The following PLA2G4A variants were observed in gnomAD, a reference collection of about 807,000 sequenced individuals.
PLA2G4A encodes the protein cytosolic phospholipase A2.
Under a neutral mutation model 81.9 loss-of-function variants are expected in PLA2G4A, and 40 were observed. That is an observed-to-expected ratio of 0.49 (90% CI 0.38 to 0.64). PLA2G4A has a LOEUF of 0.64. Among genes scored for constraint, PLA2G4A ranks in the 30% least tolerant of loss-of-function variants. PLA2G4A has a pLI of 0.00. For synonymous variants in PLA2G4A, 302 were observed against 296.9 expected, an observed-to-expected ratio of 1.02 and a Z score of -0.18; for missense variants, 715 against 905.1, an observed-to-expected ratio of 0.79 and a Z score of 2.69.
intron 8 of PLA2G4A, 107 bp from the exon 9 acceptor site, chr1:186,938,901 A>T (rs943741971): frequency 2.7e-6 from 2 of 730,204 alleles, no homozygotes; most frequent in African/African-American, 3.5e-5. Flanking sequence ...TAATGAAGTT[A>T]ACCAAATATG....
intron 1 of PLA2G4A, among the ~76,000 whole-genome samples, chr1:186,839,965 CTTTTTTTTTT>C (rs61704569): frequency 0.023 from 1,735 of 75,044 alleles, 23 homozygotes; most frequent in Middle Eastern, 0.033. Context: ...TAATTGACTT[CTTTTTTTTTT>C]TTTTTTTTTT....
At chr1:186,962,032 A>G (rs1287395342) in intron 14 of PLA2G4A, among the ~76,000 whole-genome samples, 1 of 152,136 alleles carries the variant, frequency 6.6e-6, no homozygotes, top group Non-Finnish European at 1.5e-5. Flanking sequence ...CAGGCTGCAT[A>G]TGCTACCTGC....
At chr1:186,979,164 C>G in intron 16 of PLA2G4A, 151 bp from the exon 17 acceptor site, 1 of 680,754 alleles carries the variant, frequency 1.5e-6, no homozygotes, top group East Asian at 2.7e-5. Flanking sequence ...CCAGAACACA[C>G]AGACACGATA....
At chr1:186,885,928 G>A (rs1203802774) in intron 3 of PLA2G4A, among the ~76,000 whole-genome samples, 2 of 152,228 alleles carry the variant, frequency 1.3e-5, no homozygotes, top group Non-Finnish European at 2.9e-5. Context: ...ATGACAAAAA[G>A]CATTGGGAAG....
In PLA2G4A at chr1:186,894,001, G is replaced by A. The variant is rs995791847; in HGVS notation, c.265-97G>A. 9.8e-6 allele frequency: 7 copies of A among 711,444 alleles called. No individual in the cohort carries two copies. The African/African-American group carries it at 1.1e-4, about 11-fold the overall frequency. The allele number at this position is 711,444 out of a possible 1,614,324, so 44.1% of individuals were successfully genotyped here. ...CTTCAAGGACTCTTAAATATCATTT[G>A]AGAGCTTCATTTTTTTAAATGTGGT... On this transcript the variant is annotated intron_variant, in intron 4 of 17. Transcript: ENST00000367466.
At chr1:186,914,844 C>T (rs1373783837) in intron 7 of PLA2G4A, among the ~76,000 whole-genome samples, 1 of 152,110 alleles carries the variant, frequency 6.6e-6, no homozygotes, top group Non-Finnish European at 1.5e-5. Flanking sequence ...ATATCCTCCC[C>T]ATTTGAGACT....
chr1:186,986,498 A>G (rs534663819), intron 17 of PLA2G4A, among the ~76,000 whole-genome samples: 1 of 152,334 alleles, frequency 6.6e-6, no homozygotes, highest in East Asian at 1.9e-4. Flanking sequence ...GTAGTAGGAT[A>G]CTTTGAATAG....
chr1:186,930,858 T>G (rs1437057752), intron 7 of PLA2G4A, among the ~76,000 whole-genome samples: 1 of 152,232 alleles, frequency 6.6e-6, no homozygotes, highest in African/African-American at 2.4e-5. Context: ...GCATACCCTT[T>G]CCTGCTTATG....
intron 14 of PLA2G4A, among the ~76,000 whole-genome samples, chr1:186,960,325 G>A (rs767777677): frequency 8.5e-5 from 13 of 152,152 alleles, no homozygotes; most frequent in Non-Finnish European, 1.3e-4. Flanking sequence ...CATTGAATCT[G>A]TGTGATGTAT....
chr1:186,918,445 C>T (rs184113670), intron 7 of PLA2G4A, among the ~76,000 whole-genome samples: 2 of 152,024 alleles, frequency 1.3e-5, no homozygotes, highest in African/African-American at 2.4e-5. Flanking sequence ...TACAGTCTTA[C>T]CTTCACTGAG....
At chr1:186,920,493 C>T (rs571995439) in intron 7 of PLA2G4A, among the ~76,000 whole-genome samples, 6 of 152,214 alleles carry the variant, frequency 3.9e-5, no homozygotes, top group African/African-American at 7.2e-5. Context: ...TAATCCTGAC[C>T]GTGGGCTCCT....
In PLA2G4A at chr1:186,981,341, T is replaced by C. The variant is rs79732014; in HGVS notation, c.2118+1869T>C. ...CTGTTCTAGTTTATATAAAGTCTGC[T>C]AAACAATTTGCAATAAGGAATGATA... On this transcript the variant is annotated intron_variant, in intron 17 of 17. Transcript: ENST00000367466. Among the ~76,000 whole-genome samples the C allele has an allele frequency of 3.4e-3, 521 of 152,284 alleles. 2 individuals are homozygous for C. Among genetic ancestry groups the C allele is most frequent in the African/African-American group, 0.012 (503 of 41,574 alleles).
intron 1 of PLA2G4A, among the ~76,000 whole-genome samples, chr1:186,832,018 C>T (rs1382635403): frequency 1.3e-5 from 2 of 151,956 alleles, no homozygotes; most frequent in Admixed American, 6.6e-5. Context: ...TAAGTCCCTA[C>T]TGTGTGTAAT....
At chr1:186,844,752 G>C (rs545152082) in intron 1 of PLA2G4A, among the ~76,000 whole-genome samples, 1 of 152,140 alleles carries the variant, frequency 6.6e-6, no homozygotes, top group Non-Finnish European at 1.5e-5. Context: ...AAATCTGCAC[G>C]TTGTGCACAT....
intron 8 of PLA2G4A, among the ~76,000 whole-genome samples, chr1:186,934,463 T>TATATATATATATAC (rs368585350): frequency 5.6e-5 from 8 of 143,514 alleles, no homozygotes; most frequent in South Asian, 2.2e-4. Context: ...TATATATATA[T>TATATATATATATAC]ACATACACAG....
intron 15 of PLA2G4A, among the ~76,000 whole-genome samples, chr1:186,971,015 T>C (rs889738925): frequency 2.6e-5 from 4 of 151,726 alleles, no homozygotes; most frequent in African/African-American, 9.7e-5. Flanking sequence ...TTCTTGAAAT[T>C]CATTCTTACC....
intron 17 of PLA2G4A, among the ~76,000 whole-genome samples, chr1:186,982,968 C>T (rs1175036400): frequency 1.3e-5 from 2 of 151,580 alleles, no homozygotes; most frequent in Non-Finnish European, 2.9e-5. Context: ...CCTGTAGTCC[C>T]AGCTACTAGG....
At chr1:186,916,945 C>T (rs1655158257) in intron 7 of PLA2G4A, among the ~76,000 whole-genome samples, 3 of 152,090 alleles carry the variant, frequency 2.0e-5, no homozygotes, top group Admixed American at 2.0e-4. Context: ...GTGCATAGAC[C>T]AGTCAGCTTC....
intron 7 of PLA2G4A, among the ~76,000 whole-genome samples, chr1:186,929,768 A>C (rs113061678): frequency 2.6e-5 from 4 of 152,296 alleles, no homozygotes; most frequent in African/African-American, 9.6e-5. Context: ...TATTTTTAAA[A>C]ATGGGGTTAT....
Sources: allele counts gnomAD v4.1 joint callset (sites outside exome capture counted in the v4.1 genomes callset), GRCh38; gene constraint gnomAD v4.1.1; transcripts MANE v1.5; gene names NCBI Gene and HGNC (gene_info 2026-07-23, HGNC 2026-07-21).